The following CCDC171 variants were observed in gnomAD, a reference collection of about 807,000 sequenced individuals.
The protein encoded by CCDC171 is coiled-coil domain containing 171.
A neutral mutation model predicts 168.2 loss-of-function variants in CCDC171; 177 were observed. The observed-to-expected ratio is 1.05, with a 90% CI of 0.93 to 1.19. The LOEUF (loss-of-function observed/expected upper bound fraction) is 1.19, where lower values mean the gene tolerates loss of function less well. CCDC171 is among the 50% of genes most tolerant of loss of function. The pLI is 0.00. For synonymous variants in CCDC171, 687 were observed against 540.8 expected, an observed-to-expected ratio of 1.27 and a Z score of -3.75; for missense variants, 1,991 against 1,539.0, an observed-to-expected ratio of 1.29 and a Z score of -4.91.
intron 15 of CCDC171, 59 bp downstream of exon 15, chr9:15,728,095 C>T: frequency 7.5e-7 from 1 of 1,325,316 alleles, no homozygotes. Flanking sequence ...GTCCACATCA[C>T]AGTATCATTA....
intron 7 of CCDC171, among the ~76,000 whole-genome samples, chr9:15,625,883 C>T (rs1012472018): frequency 4.6e-5 from 7 of 152,124 alleles, no homozygotes; most frequent in Non-Finnish European, 5.9e-5. Context: ...ATGGGGATGG[C>T]ATTGAATCTA....
At chr9:15,771,566 A>G (rs2057013791) in intron 18 of CCDC171, among the ~76,000 whole-genome samples, 1 of 125,018 alleles carries the variant, frequency 8.0e-6, no homozygotes, top group South Asian at 2.7e-4. Context: ...CATGTATATT[A>G]ACACTTTATC....
chr9:15,763,249 T>C (rs1320697675), intron 18 of CCDC171, among the ~76,000 whole-genome samples: 1 of 152,204 alleles, frequency 6.6e-6, no homozygotes, highest in Non-Finnish European at 1.5e-5. Flanking sequence ...ATAATATGCA[T>C]GGAGTATGAC....
At chr9:15,923,097 C>T (rs1825530665) in intron 25 of CCDC171, among the ~76,000 whole-genome samples, 2 of 151,300 alleles carry the variant, frequency 1.3e-5, no homozygotes, top group Admixed American at 1.3e-4. Flanking sequence ...GGTTGTATTG[C>T]ATATAATTTT....
chr9:15,973,615 A>G lies in CCDC171; in HGVS notation c.*1779A>G, dbSNP rs1831530662. 6.6e-6 allele frequency: 1 copy of G among 152,300 alleles called. No homozygotes were observed. Among genetic ancestry groups the G allele is most frequent in the Admixed American group, 6.5e-5 (1 of 15,288 alleles). 9.4% of individuals were successfully genotyped at this position (152,300 alleles called of 1,614,324 possible). ...TTCTTTCCTTGGAATTATTTTTAAT[A>G]TGACCTGTGTAACATGACCTGTATG... On this transcript the variant is annotated 3_prime_UTR_variant, in exon 26 of 26. Coordinates refer to ENST00000380701, the MANE Select transcript of CCDC171 (RefSeq NM_173550.4).
chr9:15,633,333 A>T (rs1016540078), intron 7 of CCDC171, among the ~76,000 whole-genome samples: 6 of 152,154 alleles, frequency 3.9e-5, no homozygotes, highest in African/African-American at 9.7e-5. Flanking sequence ...CAAGAAAAAA[A>T]CAAACAACCC....
At chr9:15,690,064 A>T (rs2050681712) in intron 10 of CCDC171, among the ~76,000 whole-genome samples, 1 of 152,260 alleles carries the variant, frequency 6.6e-6, no homozygotes, top group East Asian at 1.9e-4. Flanking sequence ...ATCTCAAAAC[A>T]ACAAAAACAA....
At chr9:15,871,053 C>T (rs1030569775) in intron 23 of CCDC171, among the ~76,000 whole-genome samples, 4 of 151,062 alleles carry the variant, frequency 2.6e-5, no homozygotes, top group Non-Finnish European at 3.0e-5. Context: ...GAGATATCTC[C>T]TTTCTGAAAG....
At chr9:15,966,587 T>C (rs1168866389) in intron 25 of CCDC171, among the ~76,000 whole-genome samples, 2 of 152,230 alleles carry the variant, frequency 1.3e-5, no homozygotes, top group Non-Finnish European at 2.9e-5. Context: ...CTTGTTAATA[T>C]ATTCTACCTC....
chr9:15,945,176 A>G (rs1828198890), intron 25 of CCDC171, among the ~76,000 whole-genome samples: 1 of 149,872 alleles, frequency 6.7e-6, no homozygotes, highest in Non-Finnish European at 1.5e-5. Context: ...GATGATTTCC[A>G]ATTTCATCCA....
chr9:15,965,144 G>C (rs570509158), intron 25 of CCDC171, among the ~76,000 whole-genome samples: 1 of 152,072 alleles, frequency 6.6e-6, no homozygotes, highest in Non-Finnish European at 1.5e-5. Context: ...TTTGATGAAA[G>C]GGCTATAACT....
intron 21 of CCDC171, among the ~76,000 whole-genome samples, chr9:15,793,003 G>A (rs1398985532): frequency 6.6e-6 from 1 of 152,130 alleles, no homozygotes; most frequent in South Asian, 2.1e-4. Flanking sequence ...TGGGCTAAAT[G>A]CTCCAATTAA....
At chr9:15,796,362 A>C (rs2058556160) in intron 21 of CCDC171, among the ~76,000 whole-genome samples, 1 of 152,208 alleles carries the variant, frequency 6.6e-6, no homozygotes, top group Admixed American at 6.5e-5. Flanking sequence ...GATTTAATAA[A>C]AGAATGAAAG....
chr9:15,744,148 G>T, intron 16 of CCDC171, 125 bp from the exon 17 acceptor site: 1 of 730,226 alleles, frequency 1.4e-6, no homozygotes, highest in Non-Finnish European at 2.2e-6. Flanking sequence ...GGATATTTTA[G>T]CACATGTATC....
chr9:15,732,023 C>T (rs905745040), intron 16 of CCDC171, among the ~76,000 whole-genome samples: 8 of 151,990 alleles, frequency 5.3e-5, no homozygotes, highest in African/African-American at 1.9e-4. Flanking sequence ...ACTGTTTTCT[C>T]ATTTAAAAAA....
At chr9:16,096,290 A>G in the CCDC171 span, among the ~76,000 whole-genome samples, 1 of 152,190 alleles carries the variant, frequency 6.6e-6, no homozygotes, top group South Asian at 2.1e-4. Context: ...GGAAAATGGA[A>G]CAAGGATTGA....
At chr9:15,952,056 T>A (rs1400373436) in intron 25 of CCDC171, among the ~76,000 whole-genome samples, 1 of 152,176 alleles carries the variant, frequency 6.6e-6, no homozygotes, top group Non-Finnish European at 1.5e-5. Context: ...TGTTCTTCAT[T>A]CTTTCTTCAG....
intron 1 of CCDC171, among the ~76,000 whole-genome samples, chr9:16,051,672 C>G (rs1232284452): frequency 6.6e-6 from 1 of 152,202 alleles, no homozygotes; most frequent in African/African-American, 2.4e-5. Flanking sequence ...GAATCAAACC[C>G]CAGTAATTTG....
the CCDC171 span, among the ~76,000 whole-genome samples, chr9:16,083,836 C>G: frequency 1.3e-5 from 2 of 152,184 alleles, no homozygotes; most frequent in African/African-American, 4.8e-5. Flanking sequence ...GGAATTCCCT[C>G]TTGTGATTTC....
Sources: gnomAD v4.1 joint callset for allele counts (sites outside exome capture counted in the v4.1 genomes callset) on GRCh38, gnomAD v4.1.1 for gene constraint, MANE v1.5 for transcripts, NCBI Gene and HGNC (gene_info 2026-07-23, HGNC 2026-07-21) for gene names.